The following PTPRR variants were observed in gnomAD, a reference collection of about 807,000 sequenced individuals.
The protein encoded by PTPRR is receptor-type tyrosine-protein phosphatase R.
A neutral mutation model predicts 77.2 loss-of-function variants in PTPRR; 38 were observed. The observed-to-expected ratio is 0.49, with a 90% CI of 0.38 to 0.65. The LOEUF is 0.65. Among genes scored for constraint, PTPRR ranks in the 30% least tolerant of loss-of-function variants. The pLI is 0.00. For missense variants in PTPRR, 744 were observed against 799.2 expected, an observed-to-expected ratio of 0.93 and a Z score of 0.83; for synonymous variants, 299 against 283.1, an observed-to-expected ratio of 1.06 and a Z score of -0.57.
chr12:70,684,934 A>G (rs1402896306), intron 8 of PTPRR, 151 bp from the exon 9 acceptor site: 1 of 526,048 alleles, frequency 1.9e-6, no homozygotes, highest in African/African-American at 2.0e-5. Context: ...CTTGATCCAT[A>G]TGTTTATTGA....
intron 1 of PTPRR, among the ~76,000 whole-genome samples, chr12:70,912,196 T>G (rs1893710575): frequency 6.6e-6 from 1 of 152,232 alleles, no homozygotes; most frequent in East Asian, 1.9e-4. Context: ...TGTTTGATCA[T>G]TTTTCCCAGA....
chr12:70,884,574 T>C (rs1174628116), intron 2 of PTPRR, among the ~76,000 whole-genome samples: 1 of 151,996 alleles, frequency 6.6e-6, no homozygotes, highest in East Asian at 1.9e-4. Context: ...AATTTTGGAT[T>C]AAAAATTTTT....
chr12:70,666,935 G>GTTTTTTTTTT lies in PTPRR; in HGVS notation c.1498-4340_1498-4331dup, dbSNP rs142691396. On this transcript the variant is annotated intron_variant, in intron 10 of 13. Transcript: ENST00000283228. Reference sequence around the variant, plus strand: ...TTTTTGATTAACTGTGTGTTTTTCTGTTTTTTTTTTTTTTTTTTTTTTTTT... The same window carrying GTTTTTTTTTT: ...TTTTTGATTAACTGTGTGTTTTTCTGTTTTTTTTTTTTTTTTTTTTTTTTTTTTTTTTTTT... Among the ~76,000 whole-genome samples the GTTTTTTTTTT allele has an allele frequency of 4.8e-3, 138 of 29,046 alleles. 49 individuals carry two copies. The highest frequency in any genetic ancestry group is 0.011 in the Non-Finnish European group (120 of 10,898). The allele number at this position is 29,046 out of a possible 152,430, so 19.1% of individuals were successfully genotyped here.
intron 6 of PTPRR, among the ~76,000 whole-genome samples, chr12:70,743,863 A>G (rs1890128921): frequency 6.6e-6 from 1 of 152,220 alleles, no homozygotes; most frequent in Admixed American, 6.5e-5. Flanking sequence ...TGGTCTACAG[A>G]GGGCAGGATG....
intron 6 of PTPRR, among the ~76,000 whole-genome samples, chr12:70,717,302 T>C (rs1889069028): frequency 6.6e-6 from 1 of 152,172 alleles, no homozygotes; most frequent in Admixed American, 6.6e-5. Context: ...GCACTAACAT[T>C]CTTTTCAAAT....
At chr12:70,806,862 G>A (rs1347777371) in intron 2 of PTPRR, among the ~76,000 whole-genome samples, 1 of 152,052 alleles carries the variant, frequency 6.6e-6, no homozygotes, top group Admixed American at 6.6e-5. Context: ...TGATTTAGTT[G>A]TTCTATGTGG....
intron 6 of PTPRR, among the ~76,000 whole-genome samples, chr12:70,730,802 G>GGA (rs140932520): frequency 2.5e-4 from 38 of 150,636 alleles, no homozygotes; most frequent in East Asian, 1.2e-3. Context: ...CCAGCTTGGG[G>GGA]GAGAGAGAGA....
At chr12:70,893,295 G>A (rs1029548884) in intron 1 of PTPRR, among the ~76,000 whole-genome samples, 2 of 151,776 alleles carry the variant, frequency 1.3e-5, no homozygotes, top group African/African-American at 4.8e-5. Context: ...ACCTACTTGG[G>A]CTTCTATTCC....
At chr12:70,711,700 T>A (rs1888834661) in intron 6 of PTPRR, among the ~76,000 whole-genome samples, 1 of 152,134 alleles carries the variant, frequency 6.6e-6, no homozygotes, top group Admixed American at 6.6e-5. Flanking sequence ...TAAAGTTAAG[T>A]ATTCACAAAG....
At chr12:70,710,789 T>C (rs1003678228) in intron 6 of PTPRR, among the ~76,000 whole-genome samples, 29 of 151,994 alleles carry the variant, frequency 1.9e-4, no homozygotes, top group Non-Finnish European at 2.8e-4. Context: ...TCAACAATCA[T>C]ATGAAAAAAA....
At chr12:70,817,784 A>G (rs2048606) in intron 2 of PTPRR, among the ~76,000 whole-genome samples, 3 of 152,210 alleles carry the variant, frequency 2.0e-5, no homozygotes, top group African/African-American at 7.2e-5. Context: ...ATACAGACCC[A>G]CAAGCACATG....
At chr12:70,880,288 A>G (rs998296122) in intron 2 of PTPRR, among the ~76,000 whole-genome samples, 1 of 152,188 alleles carries the variant, frequency 6.6e-6, no homozygotes, top group African/African-American at 2.4e-5. Context: ...CTGAAATACA[A>G]GATGCTAACT....
chr12:70,717,135 T>C (rs1276655693), intron 6 of PTPRR, among the ~76,000 whole-genome samples: 2 of 152,226 alleles, frequency 1.3e-5, no homozygotes, highest in African/African-American at 2.4e-5. Flanking sequence ...TAATTCATTA[T>C]TTCTTTTCAT....
intron 6 of PTPRR, among the ~76,000 whole-genome samples, chr12:70,725,926 A>G (rs74727449): frequency 0.036 from 5,443 of 152,206 alleles, 339 homozygotes; most frequent in African/African-American, 0.12. Context: ...CTCTTCGCTA[A>G]GGAGGGACAT....
intron 13 of PTPRR, among the ~76,000 whole-genome samples, chr12:70,654,493 C>A (rs984314164): frequency 4.6e-5 from 7 of 152,148 alleles, no homozygotes; most frequent in African/African-American, 1.7e-4. Context: ...CATGATCACG[C>A]CACTGCACTC....
At chr12:70,783,460 C>A (rs1891247377) in intron 2 of PTPRR, among the ~76,000 whole-genome samples, 1 of 152,068 alleles carries the variant, frequency 6.6e-6, no homozygotes. Context: ...ATTCTGTCCT[C>A]CTACTTTCAG....
chr12:70,722,196 CG>C (rs1889282850), intron 6 of PTPRR, among the ~76,000 whole-genome samples: 1 of 152,084 alleles, frequency 6.6e-6, no homozygotes, highest in Non-Finnish European at 1.5e-5. Flanking sequence ...GCAAATGCCT[CG>C]GGTGAATAAG....
At chr12:70,676,158 T>C (rs1249221605) in intron 10 of PTPRR, among the ~76,000 whole-genome samples, 3 of 151,958 alleles carry the variant, frequency 2.0e-5, no homozygotes, top group Non-Finnish European at 2.9e-5. Context: ...TACTATCCTC[T>C]ATGTCTCTTA....
Position 70,869,046 on chromosome 12 carries a change from AG to A in PTPRR, c.357+23632del, listed in dbSNP as rs1256158791. Among the ~76,000 whole-genome samples the A allele has an allele frequency of 5.3e-5, 3 of 56,750 alleles. No individual in the cohort carries two copies. The East Asian group carries it at 1.9e-3, about 35-fold the overall frequency. 37.2% of individuals were successfully genotyped at this position (56,750 alleles called of 152,430 possible). ...CTGGGGACTGTTGTGGGGTGGGGGGAGGGGGGAGGGATAGCATTAGGAGATA... is the reference window on the plus strand; with the variant it reads ...CTGGGGACTGTTGTGGGGTGGGGGGAGGGGGAGGGATAGCATTAGGAGATA... On this transcript the variant is annotated intron_variant, in intron 2 of 13. Transcript: ENST00000283228.
Sources: gnomAD v4.1 joint callset for allele counts (sites outside exome capture counted in the v4.1 genomes callset) on GRCh38, gnomAD v4.1.1 for gene constraint, MANE v1.5 for transcripts, NCBI Gene and HGNC (gene_info 2026-07-23, HGNC 2026-07-21) for gene names.